Variants in TRIO observed in about 807,000 individuals in gnomAD.
The protein encoded by TRIO is trio Rho guanine nucleotide exchange factor, also known as triple functional domain protein.
In TRIO, 58 loss-of-function variants were observed where a neutral mutation model predicts 351.9. That is an observed-to-expected ratio of 0.16 (90% confidence interval 0.13 to 0.21). The LOEUF (loss-of-function observed/expected upper bound fraction) is 0.21, where lower values mean the gene tolerates loss of function less well. Among genes scored for constraint, TRIO ranks in the 10% least tolerant of loss-of-function variants. The pLI, the probability that TRIO is intolerant of heterozygous loss-of-function variation, is 1.00. For missense variants in TRIO, 3,201 were observed against 4,027.8 expected (o/e 0.79, Z 5.56); for synonymous variants, 1,758 against 1,595.7 (o/e 1.10, Z -2.42).
At chr5:14,413,593 A>AT (rs372365184) in intron 33 of TRIO, among the ~76,000 whole-genome samples, 16 of 152,150 alleles carry the variant, frequency 1.1e-4, no homozygotes, top group African/African-American at 3.4e-4. Context: ...CTTTTTGTAT[A>AT]TTTTTTTAGA....
intron 8 of TRIO, among the ~76,000 whole-genome samples, chr5:14,312,989 A>G (rs1739061098): frequency 6.6e-6 from 1 of 152,222 alleles, no homozygotes; most frequent in Admixed American, 6.5e-5. Context: ...TTATGTGCTT[A>G]AATCATACTT....
intron 41 of TRIO, 200 bp downstream of exon 41, chr5:14,477,163 A>G: frequency 7.3e-6 from 4 of 544,296 alleles, no homozygotes; most frequent in Non-Finnish European, 1.3e-5. Flanking sequence ...ACCTGGCTGA[A>G]GCTGGCTATT....
chr5:14,177,153 G>A, intron 1 of TRIO, among the ~76,000 whole-genome samples: 1 of 152,188 alleles, frequency 6.6e-6, no homozygotes, highest in East Asian at 1.9e-4. Context: ...CCCCAGGAGG[G>A]CAGGTGATTT....
intron 1 of TRIO, among the ~76,000 whole-genome samples, chr5:14,158,754 C>A (rs181183699): frequency 6.6e-6 from 1 of 152,264 alleles, no homozygotes; most frequent in East Asian, 1.9e-4. Flanking sequence ...TTGCTTGAGC[C>A]TAGGAGTTTG....
At chr5:14,340,065 A>G (rs2152322093) in intron 11 of TRIO, among the ~76,000 whole-genome samples, 1 of 152,358 alleles carries the variant, frequency 6.6e-6, no homozygotes, top group East Asian at 1.9e-4. Flanking sequence ...TAAGCAGATC[A>G]TACAATTAAA....
intron 47 of TRIO, among the ~76,000 whole-genome samples, chr5:14,486,502 C>T (rs1057157461): frequency 3.9e-5 from 6 of 152,188 alleles, no homozygotes; most frequent in Non-Finnish European, 8.8e-5. Context: ...AGGCACAGTT[C>T]CTCAGGTGCG....
chr5:14,367,704 A>G (rs1471529945), intron 16 of TRIO, among the ~76,000 whole-genome samples: 1 of 152,240 alleles, frequency 6.6e-6, no homozygotes, highest in East Asian at 1.9e-4. Context: ...CAGAAATGTT[A>G]TCTCCTGCTC....
At chr5:14,494,170 C>T (rs1247315361) in intron 49 of TRIO, among the ~76,000 whole-genome samples, 3 of 152,196 alleles carry the variant, frequency 2.0e-5, no homozygotes, top group South Asian at 2.1e-4. Context: ...TGCTAATTAT[C>T]ATCACACCTT....
chr5:14,501,029 C>T (rs1757259076), intron 53 of TRIO, among the ~76,000 whole-genome samples: 1 of 149,058 alleles, frequency 6.7e-6, no homozygotes. Context: ...GTTTGGTCCA[C>T]TTTTCTGTAT....
In TRIO at chr5:14,299,236, G is replaced by A. The variant is rs1395856790; in HGVS notation, c.1368+1973G>A. Among the ~76,000 whole-genome samples the A allele has an allele frequency of 2.0e-5, 3 of 152,204 alleles. No individual in the cohort carries two copies. In the East Asian group the frequency reaches 5.8e-4, roughly 29 times the overall value. ...ATTCTCATCTGGATAAAATGAATGA[G>A]TGTAATTTATGGATTTGAAGGAAAT... On this transcript the variant is annotated intron_variant, in intron 7 of 56. Coordinates refer to ENST00000344204, the MANE Select transcript of TRIO (RefSeq NM_007118.4).
intron 11 of TRIO, among the ~76,000 whole-genome samples, chr5:14,356,008 A>G (rs2152334291): frequency 6.6e-6 from 1 of 152,336 alleles, no homozygotes; most frequent in South Asian, 2.1e-4. Flanking sequence ...CTTAGACACA[A>G]AAAATAGGTA....
Position 14,509,513 on chromosome 5 carries a change from T to C in TRIO, c.*1091T>C. 1 of 416,906 alleles carries C rather than the reference T, an allele frequency of 2.4e-6. No homozygotes were observed. The allele number at this position is 416,906 out of a possible 1,614,324, so 25.8% of individuals were successfully genotyped here. A position where few individuals can be genotyped will look rare whatever the true frequency, so the allele number is the denominator to read the frequency against. On this transcript the variant is annotated 3_prime_UTR_variant, in exon 57 of 57. Transcript: ENST00000344204. ...TTCATACTCTGAATATAAAACTGGA[T>C]AATAGGGTAATGTTTTAAAATTTAT...
At chr5:14,377,619 G>A (rs1745678096) in intron 19 of TRIO, among the ~76,000 whole-genome samples, 1 of 151,696 alleles carries the variant, frequency 6.6e-6, no homozygotes, top group Non-Finnish European at 1.5e-5. Context: ...CCTTTAATCT[G>A]TATAAAAGTC....
At chr5:14,146,697 G>A (rs1429329264) in intron 1 of TRIO, among the ~76,000 whole-genome samples, 1 of 152,250 alleles carries the variant, frequency 6.6e-6, no homozygotes, top group Non-Finnish European at 1.5e-5. Context: ...TGCTGCCCTG[G>A]AGAGGGGTCC....
intron 1 of TRIO, among the ~76,000 whole-genome samples, chr5:14,185,481 C>T (rs74445577): frequency 5.3e-4 from 80 of 152,346 alleles, no homozygotes; most frequent in African/African-American, 1.9e-3. Context: ...GGCTCCCAGG[C>T]CCAGACTGGC....
At chr5:14,200,828 C>CT (rs1208322995) in intron 1 of TRIO, among the ~76,000 whole-genome samples, 1 of 152,158 alleles carries the variant, frequency 6.6e-6, no homozygotes, top group African/African-American at 2.4e-5. Context: ...AAATCACTGG[C>CT]TTAGTGGGTT....
intron 34 of TRIO, chr5:14,440,792 G>C (rs969426600): frequency 2.0e-5 from 3 of 152,270 alleles, no homozygotes; most frequent in Non-Finnish European, 4.4e-5. Context: ...GCCCAAGTCA[G>C]GGAAGCCATT....
At chr5:14,445,127 G>T (rs936068094) in intron 34 of TRIO, among the ~76,000 whole-genome samples, 1 of 152,126 alleles carries the variant, frequency 6.6e-6, no homozygotes, top group African/African-American at 2.4e-5. Context: ...GTTGGCCTCA[G>T]GGACACGTGA....
chr5:14,424,716 A>C (rs904191220), intron 34 of TRIO, among the ~76,000 whole-genome samples: 2 of 152,236 alleles, frequency 1.3e-5, no homozygotes, highest in African/African-American at 4.8e-5. Flanking sequence ...GTCTTTCGTA[A>C]GTGTAGTGAT....
Sources: allele counts gnomAD v4.1 joint callset (sites outside exome capture counted in the v4.1 genomes callset), GRCh38; gene constraint gnomAD v4.1.1; transcripts MANE v1.5; gene names NCBI Gene and HGNC (gene_info 2026-07-23, HGNC 2026-07-21).